The following PLXNA1 variants were observed in gnomAD, a reference collection of about 807,000 sequenced individuals.
The protein encoded by PLXNA1 is plexin-A1.
In PLXNA1, 77 loss-of-function variants were observed where a neutral mutation model predicts 191.7. The ratio of observed to expected loss-of-function variants is 0.40; its 90% CI spans 0.33 to 0.49. The LOEUF (loss-of-function observed/expected upper bound fraction) is 0.49. PLXNA1 is among the 20% of genes least tolerant of loss of function. The probability of loss-of-function intolerance (pLI) is 0.63; values close to 1 mark genes in which losing one functional copy is unlikely to be tolerated. For synonymous variants in PLXNA1, 1,137 were observed against 1,156.4 expected, an observed-to-expected ratio of 0.98 and a Z score of 0.34; for missense variants, 2,110 against 2,660.2, an observed-to-expected ratio of 0.79 and a Z score of 4.55.
intron 3 of PLXNA1, among the ~76,000 whole-genome samples, chr3:126,993,857 C>T (rs1206045555): frequency 6.6e-6 from 1 of 152,250 alleles, no homozygotes; most frequent in Non-Finnish European, 1.5e-5. Context: ...CCCAAATCCA[C>T]CTGCTCTCAA....
chr3:126,996,757 G>A (rs2079016649), intron 3 of PLXNA1, among the ~76,000 whole-genome samples: 1 of 152,164 alleles, frequency 6.6e-6, no homozygotes, highest in Non-Finnish European at 1.5e-5. Flanking sequence ...TCAATGACTT[G>A]CCCTTGAAGC....
chr3:127,029,022 A>T lies in PLXNA1; in HGVS notation c.4699A>T (p.Ile1567Phe). The T allele has an allele frequency of 6.2e-7, 1 of 1,613,486 alleles. No homozygotes were observed. ...EWRQGRMARI[I>F]LQDEDVTTKI... ...GCGCCAGGGCCGCATGGCGCGCATC[A>T]TCCTGCAGGACGAGGACGTCACCAC... The change falls in exon 26 of 32, where the codon ATC becomes TTC. Residue 1567 changes from isoleucine (I) to phenylalanine (F), a missense_variant. Coordinates refer to ENST00000393409, the MANE Select transcript of PLXNA1 (RefSeq NM_032242.4).
In PLXNA1 at chr3:126,988,598, C is replaced by T. The variant is rs576960383; in HGVS notation, c.5C>T (p.Pro2Leu). Reference sequence around the variant, plus strand: ...GGCCCAAGGCCCCAGCCTGCCATGCCGCTGCCACCGCGGAGCCTGCAGGTG... The same window carrying T: ...GGCCCAAGGCCCCAGCCTGCCATGCTGCTGCCACCGCGGAGCCTGCAGGTG... M[P>L]LPPRSLQVLL... The change falls in exon 2 of 32, where the codon CCG becomes CTG. Residue 2 changes from proline (P) to leucine (L), a missense_variant. Transcript: ENST00000393409. 3.8e-4 allele frequency: 575 copies of T among 1,509,646 alleles called. No individual in the cohort carries two copies. The highest frequency in any genetic ancestry group is 1.9e-4 in the African/African-American group (14 of 72,164). The allele number at this position is 1,509,646 out of a possible 1,614,324, so 93.5% of individuals were successfully genotyped here.
chr3:127,016,785 C>A, intron 16 of PLXNA1, 101 bp downstream of exon 16: 1 of 1,439,008 alleles, frequency 6.9e-7, no homozygotes, highest in South Asian at 1.2e-5. Flanking sequence ...TCCTGCATGC[C>A]GGGTACTATC....
intron 31 of PLXNA1, among the ~76,000 whole-genome samples, chr3:127,033,331 C>T (rs1303299750): frequency 6.6e-6 from 1 of 152,200 alleles, no homozygotes; most frequent in East Asian, 1.9e-4. Flanking sequence ...AGCACGGGGC[C>T]AGAGGGCAGG....
chr3:127,022,049 G>T (rs530590095), intron 21 of PLXNA1, 36 bp from the exon 22 acceptor site: 3 of 1,593,712 alleles, frequency 1.9e-6, no homozygotes, highest in Admixed American at 1.7e-5. Flanking sequence ...GGGGCTGGGT[G>T]CTTCTCTGTG....
chr3:127,022,294 C>A lies in PLXNA1; in HGVS notation c.4248C>A (p.Ile1416=). 1.2e-6 allele frequency: 2 copies of A among 1,613,054 alleles called. No individual in the cohort carries two copies. Among genetic ancestry groups the A allele is most frequent in the Non-Finnish European group, 1.7e-6 (2 of 1,179,498 alleles). Residue 1416 remains isoleucine, a synonymous_variant, in exon 22 of 32, where the codon ATC becomes ATA. Coordinates refer to ENST00000393409, the MANE Select transcript of PLXNA1 (RefSeq NM_032242.4). ...TCAAGCAGCTGCTTTCCGACCTCATCGAGAAGAACCTGGAGAGCAAGAACC... is the reference window on the plus strand; with the variant it reads ...TCAAGCAGCTGCTTTCCGACCTCATAGAGAAGAACCTGGAGAGCAAGAACC... ...GVLKQLLSDL[I]EKNLESKNHP...
chr3:126,990,927 A>T (rs538096363), intron 2 of PLXNA1, among the ~76,000 whole-genome samples: 2 of 152,086 alleles, frequency 1.3e-5, no homozygotes, highest in South Asian at 4.2e-4. Context: ...ATCCCTGGGG[A>T]CAGTCCCCAC....
At chr3:127,018,563 C>G (rs747823263) in intron 20 of PLXNA1, 35 bp downstream of exon 20, 1 of 1,539,786 alleles carries the variant, frequency 6.5e-7, no homozygotes, top group South Asian at 1.1e-5. Flanking sequence ...GGGCAACTGC[C>G]ACCTCCGAGC....
At chr3:127,022,906 C>A in intron 23 of PLXNA1, 88 bp downstream of exon 23, 1 of 1,175,176 alleles carries the variant, frequency 8.5e-7, no homozygotes, top group Non-Finnish European at 1.3e-6. Flanking sequence ...GTGGGAGGTG[C>A]TGGAGAATGA....
At chr3:127,004,559 T>G in intron 4 of PLXNA1, 52 bp from the exon 5 acceptor site, 1 of 1,336,670 alleles carries the variant, frequency 7.5e-7, no homozygotes, top group African/African-American at 1.4e-5. Context: ...GTGAGGATGG[T>G]CAAGGACCCC....
At chr3:127,006,200 C>A in intron 8 of PLXNA1, 22 bp downstream of exon 8, 1 of 1,591,862 alleles carries the variant, frequency 6.3e-7, no homozygotes, top group Non-Finnish European at 8.6e-7. Flanking sequence ...TAGGCCCCTC[C>A]GCCCGCCTGG....
chr3:127,002,573 AG>A (rs1210502397), intron 3 of PLXNA1, among the ~76,000 whole-genome samples: 1 of 152,226 alleles, frequency 6.6e-6, no homozygotes, highest in Non-Finnish European at 1.5e-5. Flanking sequence ...GGAGTGGGTC[AG>A]GCTGGGGGAA....
intron 15 of PLXNA1, among the ~76,000 whole-genome samples, chr3:127,015,960 C>G (rs945306086): frequency 6.6e-6 from 1 of 152,144 alleles, no homozygotes; most frequent in Non-Finnish European, 1.5e-5. Flanking sequence ...GGACAGGTGC[C>G]GAGAGGGAAG....
At chr3:126,990,744 G>A (rs1164373382) in intron 2 of PLXNA1, among the ~76,000 whole-genome samples, 1 of 152,234 alleles carries the variant, frequency 6.6e-6, no homozygotes, top group Non-Finnish European at 1.5e-5. Flanking sequence ...GTGAGGCAGG[G>A]CCCATGTGTG....
chr3:126,989,620 C>G lies in PLXNA1; in HGVS notation c.1027C>G (p.Gln343Glu), dbSNP rs2078979874. Residue 343 changes from glutamine (Q) to glutamate (E), a missense_variant, in exon 2 of 32, where the codon CAG becomes GAG. Gln to Glu is a conservative substitution (Grantham distance 29, BLOSUM62 2). Around this residue, in one of 4 missense-constraint regions of PLXNA1, gnomAD observed 903 missense variants for 1,015.7 expected, o/e 0.89. Transcript: ENST00000393409. ...GGACGTGCTGTTCACTGTGTTCGCC[C>G]AGGGCCAGAAGAACCGCGTGAAGCC... is the stretch of plus-strand genomic sequence containing the variant. ...DEDVLFTVFA[Q>E]GQKNRVKPPK... 8 of 1,613,022 alleles carry G rather than the reference C, an allele frequency of 5.0e-6. No homozygotes were observed. In the Admixed American group the frequency reaches 6.7e-5, roughly 13 times the overall value.
intron 25 of PLXNA1, chr3:127,028,634 T>C (rs930732613): frequency 3.7e-5 from 19 of 518,982 alleles, no homozygotes; most frequent in East Asian, 3.3e-4. Context: ...GGTGGAGCCA[T>C]TGAGGGCCAG....
rs554852702 is a variant in PLXNA1 at position 127,009,614 on chromosome 3, C to A, written c.2112+1701C>A. On this transcript the variant is annotated intron_variant, in intron 9 of 31. Coordinates refer to ENST00000393409, the MANE Select transcript of PLXNA1 (RefSeq NM_032242.4). Reference sequence around the variant, plus strand: ...GTTTCTGGTGGGTTCCTCGGGCCACCCCCTGAGACAGGAGTGTACTACATT... The same window carrying A: ...GTTTCTGGTGGGTTCCTCGGGCCACACCCTGAGACAGGAGTGTACTACATT... Among the ~76,000 whole-genome samples, 13 of 151,498 alleles carry A rather than the reference C, an allele frequency of 8.6e-5. No homozygotes were observed. In the East Asian group the frequency reaches 2.3e-3, roughly 27 times the overall value.
intron 8 of PLXNA1, among the ~76,000 whole-genome samples, chr3:127,006,466 G>T (rs886834216): frequency 6.6e-6 from 1 of 152,234 alleles, no homozygotes; most frequent in African/African-American, 2.4e-5. Flanking sequence ...GTGGGCGGCA[G>T]TGCCTGCCCC....
Sources: allele counts gnomAD v4.1 joint callset (sites outside exome capture counted in the v4.1 genomes callset), GRCh38; gene constraint gnomAD v4.1.1; regional missense constraint gnomAD v4.1.1; transcripts MANE v1.5; gene names NCBI Gene and HGNC (gene_info 2026-07-23, HGNC 2026-07-21).